RAB30: variants seen among roughly 807,000 people sequenced by gnomAD.
RAB30 encodes the protein RAB30, member RAS oncogene family, also known as ras-related protein Rab-30.
RAB30 carries 9 observed loss-of-function variants against 25.1 expected under a neutral mutation model. The observed-to-expected ratio is 0.36, with a 90% CI of 0.22 to 0.63. The LOEUF is 0.63. RAB30 is among the 20% of genes least tolerant of loss of function. The probability of loss-of-function intolerance (pLI) is 0.69; values close to 1 mark genes in which losing one functional copy is unlikely to be tolerated. For missense variants in RAB30, 140 were observed against 243.5 expected (o/e 0.58, Z 2.83); for synonymous variants, 77 against 86.4 (o/e 0.89, Z 0.60).
At chr11:83,009,861 G>A (rs927626657) in intron 1 of RAB30, among the ~76,000 whole-genome samples, 4 of 152,160 alleles carry the variant, frequency 2.6e-5, no homozygotes, top group Non-Finnish European at 2.9e-5. Flanking sequence ...AACCCAGCAA[G>A]AGGAAAATTC....
At chr11:83,063,779 C>G (rs1378919076) in intron 1 of RAB30, among the ~76,000 whole-genome samples, 1 of 152,106 alleles carries the variant, frequency 6.6e-6, no homozygotes, top group Non-Finnish European at 1.5e-5. Context: ...AGCATTTCTG[C>G]CCCCTGAAAG....
intron 1 of RAB30, among the ~76,000 whole-genome samples, chr11:83,038,058 A>G (rs1158641992): frequency 6.6e-6 from 1 of 152,216 alleles, no homozygotes; most frequent in Non-Finnish European, 1.5e-5. Context: ...TAAAGAAAAA[A>G]ACAGATGACT....
chr11:83,008,808 C>T (rs967363668), intron 1 of RAB30, among the ~76,000 whole-genome samples: 5 of 152,264 alleles, frequency 3.3e-5, no homozygotes, highest in East Asian at 1.9e-4. Flanking sequence ...AGCTCTCCCC[C>T]ACCCAGCCTA....
At chr11:83,061,710 C>CTTTTTTTTTTTTTTTTTT (rs569263010) in intron 1 of RAB30, among the ~76,000 whole-genome samples, 2 of 79,908 alleles carry the variant, frequency 2.5e-5, no homozygotes, top group African/African-American at 5.0e-5. Flanking sequence ...TCTTTCTTTT[C>CTTTTTTTTTTTTTTTTTT]TTTTTTTTTT....
At position 82,975,990 on chromosome 11, in the gene RAB30, G is replaced by A. The variant is rs1856539674; in HGVS notation, c.*6175C>T. ...TTAAATTGCTCTGTGAGGTATTTCA[G>A]TTCTAAGATTAAGCTTCCTGATAAT... On this transcript the variant is annotated 3_prime_UTR_variant, in exon 5 of 5. Transcript: ENST00000527633. 1 of 152,162 alleles carries A rather than the reference G, an allele frequency of 6.6e-6. No homozygotes were observed. Among genetic ancestry groups the A allele is most frequent in the Non-Finnish European group, 1.5e-5 (1 of 68,028 alleles). 9.4% of individuals were successfully genotyped at this position (152,162 alleles called of 1,614,324 possible).
intron 1 of RAB30, 143 bp downstream of exon 1, chr11:83,071,548 G>C (rs1214386735): frequency 2.2e-5 from 3 of 139,484 alleles, no homozygotes; most frequent in African/African-American, 4.9e-5. Flanking sequence ...ATGGCACAGA[G>C]CTTTTCCCCT....
Position 82,981,703 on chromosome 11 carries a change from C to T in RAB30, c.*462G>A. 1 of 159,210 alleles carries T rather than the reference C, an allele frequency of 6.3e-6. No homozygotes were observed. Among genetic ancestry groups the T allele is most frequent in the Admixed American group, 6.0e-5 (1 of 16,556 alleles). 9.9% of individuals were successfully genotyped at this position (159,210 alleles called of 1,614,324 possible). ...TCTCCATGGGGTCGTCAATACGCAC[C>T]ACAGAGACTGTACTTGGCCTTCCCA... On this transcript the variant is annotated 3_prime_UTR_variant, in exon 5 of 5. Coordinates refer to ENST00000527633, the MANE Select transcript of RAB30 (RefSeq NM_001286060.2).
At chr11:83,063,027 T>C (rs1409450758) in intron 1 of RAB30, among the ~76,000 whole-genome samples, 1 of 146,680 alleles carries the variant, frequency 6.8e-6, no homozygotes, top group Non-Finnish European at 1.5e-5. Context: ...AAAAGATAAG[T>C]TGTCCACGTA....
chr11:83,049,280 A>T (rs770213597), intron 1 of RAB30, among the ~76,000 whole-genome samples: 4 of 151,786 alleles, frequency 2.6e-5, no homozygotes, highest in Non-Finnish European at 5.9e-5. Flanking sequence ...GTGTCATGGC[A>T]TGCACCTGTA....
intron 1 of RAB30, among the ~76,000 whole-genome samples, chr11:83,022,281 T>C (rs984933327): frequency 4.6e-5 from 7 of 152,128 alleles, no homozygotes; most frequent in African/African-American, 1.7e-4. Context: ...CACCTCAGCC[T>C]CCCTTGTAGC....
intron 1 of RAB30, among the ~76,000 whole-genome samples, chr11:83,061,318 G>A (rs1263359306): frequency 3.3e-5 from 5 of 151,862 alleles, no homozygotes; most frequent in African/African-American, 9.7e-5. Context: ...GACTAATACA[G>A]GTAATATGCT....
intron 1 of RAB30, among the ~76,000 whole-genome samples, chr11:83,037,381 C>A (rs1193770780): frequency 6.6e-6 from 1 of 151,750 alleles, no homozygotes; most frequent in African/African-American, 2.4e-5. Flanking sequence ...TCCCTAGTAG[C>A]TGGGATTACA....
In RAB30 at chr11:83,050,970, A is replaced by T. The variant is rs190669018; in HGVS notation, c.-9+20721T>A. Among the ~76,000 whole-genome samples, 36 of 152,306 alleles carry T rather than the reference A, an allele frequency of 2.4e-4. No homozygotes were observed. The East Asian group carries it at 6.9e-3, about 29-fold the overall frequency. ...GCTTTTGAGTCCCTGTGTGGTTCAA[A>T]CTAGCTAGGTGCTCACCAAACCTAT... On this transcript the variant is annotated intron_variant, in intron 1 of 4. Transcript: ENST00000527633.
intron 1 of RAB30, among the ~76,000 whole-genome samples, chr11:83,025,052 T>C (rs1003487078): frequency 1.5e-4 from 23 of 152,250 alleles, no homozygotes; most frequent in African/African-American, 5.3e-4. Context: ...TGGAGGAAGA[T>C]GTATAGCAAC....
At chr11:83,064,923 A>G (rs1858661354) in intron 1 of RAB30, among the ~76,000 whole-genome samples, 2 of 151,980 alleles carry the variant, frequency 1.3e-5, no homozygotes, top group East Asian at 1.9e-4. Context: ...CTAGGATTAC[A>G]TGTTCCATTT....
chr11:83,026,150 C>T (rs958495613), intron 1 of RAB30, among the ~76,000 whole-genome samples: 1 of 150,864 alleles, frequency 6.6e-6, no homozygotes, highest in African/African-American at 2.4e-5. Flanking sequence ...CTGATCATGC[C>T]ACTGCACTCC....
intron 3 of RAB30, among the ~76,000 whole-genome samples, chr11:82,989,475 G>T (rs1856806932): frequency 6.6e-6 from 1 of 152,198 alleles, no homozygotes; most frequent in East Asian, 1.9e-4. Context: ...AAAGGCCACT[G>T]TACAGATGTT....
At chr11:83,029,364 T>C (rs552178077) in intron 1 of RAB30, among the ~76,000 whole-genome samples, 14 of 151,714 alleles carry the variant, frequency 9.2e-5, no homozygotes, top group Admixed American at 3.3e-4. Context: ...TCTATCCCTT[T>C]CCCCCCCTAT....
intron 1 of RAB30, among the ~76,000 whole-genome samples, chr11:83,065,909 G>A (rs542524144): frequency 2.6e-5 from 4 of 152,246 alleles, no homozygotes; most frequent in Admixed American, 6.5e-5. Context: ...GTGCATGTAC[G>A]TATGAACTCC....
Sources: allele counts gnomAD v4.1 joint callset (sites outside exome capture counted in the v4.1 genomes callset), GRCh38; gene constraint gnomAD v4.1.1; transcripts MANE v1.5; gene names NCBI Gene and HGNC (gene_info 2026-07-23, HGNC 2026-07-21).